Variants in GTF2E2 observed in about 807,000 individuals in gnomAD.
GTF2E2 encodes transcription initiation factor IIE subunit beta.
GTF2E2 carries 21 observed loss-of-function variants against 40.5 expected under a neutral mutation model. The observed-to-expected ratio is 0.52, with a 90% confidence interval of 0.37 to 0.75. GTF2E2 has a LOEUF of 0.75. GTF2E2 is among the 30% of genes least tolerant of loss of function. GTF2E2 has a pLI of 0.00. For missense variants in GTF2E2, 298 were observed against 338.4 expected (o/e 0.88, Z 0.94); for synonymous variants, 117 against 121.6 (o/e 0.96, Z 0.25).
chr8:30,582,102 C>G (rs1828531081), intron 6 of GTF2E2, among the ~76,000 whole-genome samples: 1 of 152,222 alleles, frequency 6.6e-6, no homozygotes, highest in South Asian at 2.1e-4. Flanking sequence ...ACCTCCACCT[C>G]CTGGGCTTAA....
chr8:30,627,929 T>C (rs751680454), intron 3 of GTF2E2, among the ~76,000 whole-genome samples: 2 of 152,198 alleles, frequency 1.3e-5, no homozygotes, highest in Admixed American at 6.5e-5. Context: ...TATGAACCAG[T>C]TGAACAAGTT....
At chr8:30,594,989 T>C (rs2978282) in intron 6 of GTF2E2, among the ~76,000 whole-genome samples, 113,402 of 152,134 alleles carry the variant, frequency 0.75, 42,632 homozygotes, top group Middle Eastern at 0.8. Context: ...TCACCACTGT[T>C]TCTATCTGTT....
intron 6 of GTF2E2, among the ~76,000 whole-genome samples, chr8:30,594,838 C>A (rs920429323): frequency 1.4e-5 from 2 of 139,318 alleles, no homozygotes; most frequent in Non-Finnish European, 3.1e-5. Context: ...GCCTGGGCAA[C>A]AAGAGCAAAA....
At chr8:30,645,680 C>G (rs556180850) in intron 2 of GTF2E2, 11 of 1,315,540 alleles carry the variant, frequency 8.4e-6, no homozygotes, top group Non-Finnish European at 1.0e-5. Flanking sequence ...CCAACTGTTG[C>G]TACAAAACAA....
intron 6 of GTF2E2, among the ~76,000 whole-genome samples, chr8:30,606,720 T>A (rs1297645541): frequency 6.6e-6 from 1 of 152,174 alleles, no homozygotes. Context: ...CTTTTTCCCA[T>A]CCTGTATCAA....
At chr8:30,627,645 C>T (rs569375020) in intron 3 of GTF2E2, among the ~76,000 whole-genome samples, 1 of 152,196 alleles carries the variant, frequency 6.6e-6, no homozygotes, top group South Asian at 2.1e-4. Flanking sequence ...CCTGGCAACA[C>T]AGCAAGACCT....
At chr8:30,654,706 A>G (rs577881043) in intron 1 of GTF2E2, among the ~76,000 whole-genome samples, 2 of 152,306 alleles carry the variant, frequency 1.3e-5, no homozygotes, top group African/African-American at 4.8e-5. Flanking sequence ...CACCCAGCCT[A>G]GAATATTTTT....
chr8:30,606,015 A>C (rs1283330662), intron 6 of GTF2E2, among the ~76,000 whole-genome samples: 1 of 152,238 alleles, frequency 6.6e-6, no homozygotes, highest in East Asian at 1.9e-4. Context: ...CAACATTGCA[A>C]GTAACGAAGA....
At chr8:30,633,739 C>T (rs1801506836) in intron 3 of GTF2E2, among the ~76,000 whole-genome samples, 1 of 152,166 alleles carries the variant, frequency 6.6e-6, no homozygotes, top group Non-Finnish European at 1.5e-5. Flanking sequence ...GTATTCCCAC[C>T]ATTAGTGCCC....
chr8:30,631,988 T>C (rs1030732402), intron 3 of GTF2E2, among the ~76,000 whole-genome samples: 1 of 152,084 alleles, frequency 6.6e-6, no homozygotes, highest in East Asian at 1.9e-4. Context: ...CACGTGCCTG[T>C]AGTCCCAGTT....
At chr8:30,652,228 C>A (rs886502615) in intron 2 of GTF2E2, among the ~76,000 whole-genome samples, 4 of 152,014 alleles carry the variant, frequency 2.6e-5, no homozygotes, top group Non-Finnish European at 5.9e-5. Context: ...AGGTGGACTT[C>A]ATCAAAATTA....
At chr8:30,650,485 T>A (rs984426672) in intron 2 of GTF2E2, among the ~76,000 whole-genome samples, 7 of 141,870 alleles carry the variant, frequency 4.9e-5, no homozygotes, top group African/African-American at 1.6e-4. Flanking sequence ...AAGCGGGGAG[T>A]TTGAGACCCA....
chr8:30,617,398 T>C (rs1800952692), intron 3 of GTF2E2, among the ~76,000 whole-genome samples: 1 of 152,170 alleles, frequency 6.6e-6, no homozygotes, highest in South Asian at 2.1e-4. Context: ...CTTCTGCCTT[T>C]AGAGCAGAAG....
chr8:30,631,180 C>T (rs1445095155), intron 3 of GTF2E2, among the ~76,000 whole-genome samples: 1 of 152,068 alleles, frequency 6.6e-6, no homozygotes, highest in Non-Finnish European at 1.5e-5. Flanking sequence ...GCCAACACAC[C>T]TGGTTAATTT....
chr8:30,589,375 C>T (rs1244129479), intron 6 of GTF2E2, among the ~76,000 whole-genome samples: 2 of 152,134 alleles, frequency 1.3e-5, no homozygotes, highest in Non-Finnish European at 2.9e-5. Flanking sequence ...TGGGCAAAAG[C>T]GAGACCTCCA....
intron 6 of GTF2E2, among the ~76,000 whole-genome samples, chr8:30,602,127 T>C (rs1829197781): frequency 1.3e-5 from 2 of 152,008 alleles, no homozygotes; most frequent in South Asian, 2.1e-4. Flanking sequence ...ATGCGATTCT[T>C]GTGTTTCAGC....
chr8:30,620,239 A>ACACACAC (rs1801048708), intron 3 of GTF2E2, among the ~76,000 whole-genome samples: 1 of 150,418 alleles, frequency 6.6e-6, no homozygotes, highest in African/African-American at 2.5e-5. Context: ...CACACACACA[A>ACACACAC]ACACACACAC....
At chr8:30,601,744 T>C (rs1366406421) in intron 6 of GTF2E2, among the ~76,000 whole-genome samples, 1 of 152,226 alleles carries the variant, frequency 6.6e-6, no homozygotes, top group Non-Finnish European at 1.5e-5. Context: ...TTTCTAGGAA[T>C]ATACAATGTA....
intron 4 of GTF2E2, among the ~76,000 whole-genome samples, chr8:30,613,194 T>TA (rs1829529310): frequency 1.3e-5 from 2 of 152,198 alleles, no homozygotes; most frequent in South Asian, 4.1e-4. Context: ...GTACAGCTTA[T>TA]CACATACTGG....
Sources: gnomAD v4.1 joint callset for allele counts (sites outside exome capture counted in the v4.1 genomes callset) on GRCh38, gnomAD v4.1.1 for gene constraint, MANE v1.5 for transcripts, NCBI Gene and HGNC (gene_info 2026-07-23, HGNC 2026-07-21) for gene names.